Variants in KCNH8 observed in about 807,000 individuals in gnomAD.
KCNH8 encodes the protein voltage-gated delayed rectifier potassium channel KCNH8.
Under a neutral mutation model 103.6 loss-of-function variants are expected in KCNH8, and 70 were observed. The observed-to-expected ratio is 0.68, with a 90% CI of 0.56 to 0.82. The LOEUF is 0.82. KCNH8 is among the 40% of genes least tolerant of loss of function. KCNH8 has a pLI of 0.00. For synonymous variants in KCNH8, 498 were observed against 489.4 expected, an observed-to-expected ratio of 1.02 and a Z score of -0.23; for missense variants, 1,217 against 1,329.9, an observed-to-expected ratio of 0.92 and a Z score of 1.32.
At chr3:19,486,856 C>G (rs1354366419) in intron 11 of KCNH8, among the ~76,000 whole-genome samples, 5 of 152,144 alleles carry the variant, frequency 3.3e-5, no homozygotes, top group African/African-American at 4.8e-5. Flanking sequence ...TGCAGATGAC[C>G]TGCTTTCTTC....
At chr3:19,340,646 C>A (rs1167054409) in intron 3 of KCNH8, among the ~76,000 whole-genome samples, 1 of 151,896 alleles carries the variant, frequency 6.6e-6, no homozygotes, top group Non-Finnish European at 1.5e-5. Context: ...AAATATAGTG[C>A]AATTGGATTA....
At chr3:19,223,725 A>G (rs896410160) in intron 1 of KCNH8, among the ~76,000 whole-genome samples, 1 of 152,090 alleles carries the variant, frequency 6.6e-6, no homozygotes, top group Non-Finnish European at 1.5e-5. Flanking sequence ...TTATTTTACC[A>G]TTTGAGACTG....
intron 5 of KCNH8, among the ~76,000 whole-genome samples, chr3:19,386,288 A>G (rs1053176846): frequency 2.6e-5 from 4 of 152,172 alleles, no homozygotes; most frequent in South Asian, 2.1e-4. Flanking sequence ...CTCAAATACA[A>G]TAAGGCAAAC....
chr3:19,188,946 AGTTT>A (rs889320586), intron 1 of KCNH8, among the ~76,000 whole-genome samples: 7 of 151,942 alleles, frequency 4.6e-5, no homozygotes, highest in African/African-American at 1.2e-4. Flanking sequence ...CCAGCTCACA[AGTTT>A]GTTTGTTTTT....
chr3:19,352,093 T>G (rs1328640879), intron 5 of KCNH8, among the ~76,000 whole-genome samples: 1 of 152,130 alleles, frequency 6.6e-6, no homozygotes, highest in Non-Finnish European at 1.5e-5. Flanking sequence ...AATCCTAGTC[T>G]CTGATAAAAC....
chr3:19,370,464 C>G (rs528054601), intron 5 of KCNH8, among the ~76,000 whole-genome samples: 1 of 152,060 alleles, frequency 6.6e-6, no homozygotes, highest in African/African-American at 2.4e-5. Context: ...AGTGAGAGAG[C>G]TGCATTAGGA....
intron 2 of KCNH8, among the ~76,000 whole-genome samples, chr3:19,270,962 T>C (rs1575484470): frequency 6.6e-6 from 1 of 152,166 alleles, no homozygotes; most frequent in African/African-American, 2.4e-5. Flanking sequence ...AGACACAAAT[T>C]CTAAATCTGA....
intron 7 of KCNH8, among the ~76,000 whole-genome samples, chr3:19,424,329 T>G (rs1195597975): frequency 6.6e-6 from 1 of 152,072 alleles, no homozygotes; most frequent in Non-Finnish European, 1.5e-5. Context: ...CAACTGATCT[T>G]CAACAAAGCA....
intron 7 of KCNH8, among the ~76,000 whole-genome samples, chr3:19,427,522 G>C (rs1204941941): frequency 6.6e-6 from 1 of 152,140 alleles, no homozygotes; most frequent in African/African-American, 2.4e-5. Flanking sequence ...ATAAACAAAA[G>C]CTATGAGGTT....
At chr3:19,508,943 T>A (rs2068740121) in intron 11 of KCNH8, among the ~76,000 whole-genome samples, 1 of 152,218 alleles carries the variant, frequency 6.6e-6, no homozygotes, top group South Asian at 2.1e-4. Context: ...GTATCTGTGA[T>A]TGGAGGTGTT....
At chr3:19,361,918 G>A (rs2125110015) in intron 5 of KCNH8, among the ~76,000 whole-genome samples, 1 of 152,210 alleles carries the variant, frequency 6.6e-6, no homozygotes, top group East Asian at 1.9e-4. Context: ...GAGAAAGGGA[G>A]GGAAAGTAAG....
chr3:19,379,602 T>C (rs1326161400), intron 5 of KCNH8, among the ~76,000 whole-genome samples: 1 of 151,474 alleles, frequency 6.6e-6, no homozygotes, highest in Non-Finnish European at 1.5e-5. Flanking sequence ...ATTGTGCCAC[T>C]GCACTCCAGC....
chr3:19,321,395 G>C (rs2065348054), intron 3 of KCNH8, among the ~76,000 whole-genome samples: 1 of 150,302 alleles, frequency 6.7e-6, no homozygotes, highest in African/African-American at 2.5e-5. Context: ...CTATTTTTCA[G>C]TTCAAAGAAT....
chr3:19,346,932 C>T (rs537957729), intron 4 of KCNH8, among the ~76,000 whole-genome samples: 1 of 152,206 alleles, frequency 6.6e-6, no homozygotes, highest in Non-Finnish European at 1.5e-5. Flanking sequence ...GGGAATTGTT[C>T]ATCAATTTGA....
intron 1 of KCNH8, among the ~76,000 whole-genome samples, chr3:19,251,327 C>T (rs2064274932): frequency 6.6e-6 from 1 of 151,940 alleles, no homozygotes; most frequent in African/African-American, 2.4e-5. Flanking sequence ...ATGCACCTCA[C>T]TCCTGTGGCC....
chr3:19,484,742 G>A (rs1243812483), intron 11 of KCNH8, among the ~76,000 whole-genome samples: 1 of 152,214 alleles, frequency 6.6e-6, no homozygotes, highest in Non-Finnish European at 1.5e-5. Flanking sequence ...CACCTGGAAA[G>A]AAAGGATGAA....
chr3:19,251,155 C>G (rs935038111), intron 1 of KCNH8, among the ~76,000 whole-genome samples: 27 of 152,232 alleles, frequency 1.8e-4, no homozygotes, highest in African/African-American at 6.5e-4. Context: ...AGGGTGCCCC[C>G]CTCTGGAGAC....
chr3:19,198,645 T>G (rs1199029035), intron 1 of KCNH8, among the ~76,000 whole-genome samples: 1 of 152,084 alleles, frequency 6.6e-6, no homozygotes, highest in Non-Finnish European at 1.5e-5. Flanking sequence ...AGAATTAATA[T>G]GATAGTGACC....
chr3:19,471,913 CG>C (rs1234082293), intron 11 of KCNH8, among the ~76,000 whole-genome samples: 1 of 152,096 alleles, frequency 6.6e-6, no homozygotes, highest in South Asian at 2.1e-4. Flanking sequence ...GAGCCAAATA[CG>C]TAAGTAAAAA....
Sources: allele counts gnomAD v4.1 joint callset (sites outside exome capture counted in the v4.1 genomes callset), GRCh38; gene constraint gnomAD v4.1.1; transcripts MANE v1.5; gene names NCBI Gene and HGNC (gene_info 2026-07-23, HGNC 2026-07-21).